Variants in SVEP1 observed in about 807,000 individuals in gnomAD.
SVEP1 encodes the protein sushi, von Willebrand factor type A, EGF and pentraxin domain-containing protein 1.
Under a neutral mutation model 367.3 loss-of-function variants are expected in SVEP1, and 164 were observed. The ratio of observed to expected loss-of-function variants is 0.45; its 90% confidence interval spans 0.39 to 0.51. The LOEUF (loss-of-function observed/expected upper bound fraction) is 0.51, where lower values mean the gene tolerates loss of function less well. SVEP1 is among the 20% of genes least tolerant of loss of function. The pLI, the probability that SVEP1 is intolerant of heterozygous loss-of-function variation, is 0.00. For missense variants in SVEP1, 4,117 were observed against 4,425.3 expected (o/e 0.93, Z 1.98); for synonymous variants, 1,666 against 1,611.6 (o/e 1.03, Z -0.81).
intron 1 of SVEP1, among the ~76,000 whole-genome samples, chr9:110,574,052 A>G (rs1346536800): frequency 6.6e-6 from 1 of 152,244 alleles, no homozygotes; most frequent in Non-Finnish European, 1.5e-5. Context: ...CGAGTTGTCC[A>G]ATTCTGACAC....
At chr9:110,489,583 G>A (rs1829335084) in intron 9 of SVEP1, 67 bp downstream of exon 9, 1 of 1,503,740 alleles carries the variant, frequency 6.7e-7, no homozygotes, top group Admixed American at 2.0e-5. Context: ...CACGACACAT[G>A]GGAATTATGG....
chr9:110,398,849 G>GT (rs1287725886), intron 40 of SVEP1, among the ~76,000 whole-genome samples: 1 of 152,164 alleles, frequency 6.6e-6, no homozygotes, highest in Non-Finnish European at 1.5e-5. Flanking sequence ...GAAACAACAG[G>GT]TGCTAGAGAG....
intron 20 of SVEP1, 22 bp from the exon 21 acceptor site, chr9:110,457,374 C>T: frequency 6.4e-7 from 1 of 1,553,154 alleles, no homozygotes; most frequent in Non-Finnish European, 8.9e-7. Flanking sequence ...ATAAAAAAAT[C>T]AATCAGAGAC....
At position 110,386,069 on chromosome 9, in the gene SVEP1, G is replaced by C; in HGVS notation, c.10066C>G (p.Pro3356Ala). 1 of 1,602,330 alleles carries C rather than the reference G, an allele frequency of 6.2e-7. No individual in the cohort carries two copies. The highest frequency in any genetic ancestry group is 8.5e-7 in the Non-Finnish European group (1 of 1,175,904). Residue 3356 changes from proline to alanine, a missense_variant, in exon 43 of 48, where the codon CCA (proline) becomes GCA (alanine). Physicochemically the swap from Pro to Ala is conservative, Grantham distance 27 (BLOSUM62 -1). Transcript: ENST00000374469. ...GGAATCACAAAAGGAACAGGGCATG[G>C]ATTTGCTGTCAAAAAGAAAAGAAAA... ...SHPVPLCKPN[P>A]CPVPFVIPEN...
At chr9:110,501,509 G>A (rs576812590) in intron 6 of SVEP1, among the ~76,000 whole-genome samples, 2 of 150,894 alleles carry the variant, frequency 1.3e-5, no homozygotes, top group Admixed American at 6.6e-5. Context: ...TTTTGTTGTG[G>A]GGGGGGCAGG....
Position 110,429,347 on chromosome 9 carries a change from G to A in SVEP1, c.5616-13C>T, listed in dbSNP as rs1828313573. 1 of 1,495,256 alleles carries A rather than the reference G, an allele frequency of 6.7e-7. No homozygotes were observed. Among genetic ancestry groups the A allele is most frequent in the Non-Finnish European group, 8.9e-7 (1 of 1,124,018 alleles). 92.6% of individuals were successfully genotyped at this position (1,495,256 alleles called of 1,614,324 possible). A position where few individuals can be genotyped will look rare whatever the true frequency, so the allele number is the denominator to read the frequency against. The stretch of plus-strand genomic sequence containing the variant: ...TCCTTTATTACACCTAAAGAAGATA[G>A]AGGAAAATTACAGGATATAATTTGC... On this transcript the variant is annotated splice_polypyrimidine_tract_variant and intron_variant, in intron 34 of 47. Transcript: ENST00000374469.
At chr9:110,557,091 GTTCT>G (rs1450642073) in intron 1 of SVEP1, among the ~76,000 whole-genome samples, 1 of 152,228 alleles carries the variant, frequency 6.6e-6, no homozygotes, top group African/African-American at 2.4e-5. Context: ...AATCTCAGGT[GTTCT>G]TCAGTTCAAA....
rs1440759144 is a variant in SVEP1, at chr9:110,412,900, G to A, written c.5976-1165C>T. Among the ~76,000 whole-genome samples the A allele has an allele frequency of 4.5e-3, 687 of 151,848 alleles. 3 individuals carry two copies. The highest frequency in any genetic ancestry group is 7.8e-3 in the Non-Finnish European group (528 of 67,808). Reference sequence around the variant, plus strand: ...AAAAAGTCAGGAAACAACAGGTGCTGGAGAGGATGTGGAGAAATAGGAACA... The same window carrying A: ...AAAAAGTCAGGAAACAACAGGTGCTAGAGAGGATGTGGAGAAATAGGAACA... On this transcript the variant is annotated intron_variant, in intron 36 of 47. Transcript: ENST00000374469.
chr9:110,395,459 G>C (rs369268376), intron 40 of SVEP1, among the ~76,000 whole-genome samples: 1 of 151,682 alleles, frequency 6.6e-6, no homozygotes, highest in Non-Finnish European at 1.5e-5. Context: ...AAGCAAAATA[G>C]CCAGCTGACA....
chr9:110,467,810 A>T (rs1828960947), intron 17 of SVEP1, among the ~76,000 whole-genome samples: 1 of 151,562 alleles, frequency 6.6e-6, no homozygotes, highest in Admixed American at 6.6e-5. Context: ...TAATTTTTGT[A>T]TTTTTTGTAG....
chr9:110,399,225 C>T (rs1390812155), intron 40 of SVEP1, among the ~76,000 whole-genome samples: 2 of 151,900 alleles, frequency 1.3e-5, no homozygotes, highest in African/African-American at 2.4e-5. Context: ...AACCATTATT[C>T]TCAGCAAACT....
In SVEP1 at chr9:110,385,976, C is replaced by T; in HGVS notation, c.10159G>A (p.Gly3387Ser). The change falls in exon 43 of 48, where the codon GGT becomes AGT. Residue 3387 changes from glycine (G) to serine (S), a missense_variant. By Grantham distance (56) the Gly-to-Ser change is moderately conservative. Around this residue, in one of 4 missense-constraint regions of SVEP1, gnomAD observed 1,765 missense variants for 1,781.1 expected, o/e 0.99. Transcript: ENST00000374469. ...ATGCCGTGGCCCTGCAGCAGAAAAC[C>T]TTCCCTACATTTGATGGACACATTC... Reference protein sequence around the residue: ...DQNVSIKCREGFLLQGHGIIT... With the variant: ...DQNVSIKCRESFLLQGHGIIT... 6.2e-7 allele frequency: 1 copy of T among 1,613,900 alleles called. No homozygotes were observed. The highest frequency in any genetic ancestry group is 8.5e-7 in the Non-Finnish European group (1 of 1,179,844).
chr9:110,435,875 A>G (rs1250898507), intron 28 of SVEP1, among the ~76,000 whole-genome samples: 9 of 152,184 alleles, frequency 5.9e-5, no homozygotes, highest in African/African-American at 9.7e-5. Context: ...TATAGATAAG[A>G]AAACTGAAAC....
At chr9:110,414,918 A>G (rs1026987331) in intron 36 of SVEP1, among the ~76,000 whole-genome samples, 14 of 152,070 alleles carry the variant, frequency 9.2e-5, no homozygotes, top group African/African-American at 1.5e-4. Context: ...TATATCTGAG[A>G]AGAATCAAAA....
At chr9:110,447,701 G>A (rs546915865) in intron 24 of SVEP1, among the ~76,000 whole-genome samples, 14 of 152,338 alleles carry the variant, frequency 9.2e-5, no homozygotes, top group African/African-American at 3.4e-4. Flanking sequence ...ATGAGAAGTT[G>A]AGAGTTTGTG....
In SVEP1 at chr9:110,411,751, G is replaced by A. The variant is rs557440379; in HGVS notation, c.5976-16C>T. The A allele has an allele frequency of 1.5e-5, 22 of 1,488,022 alleles. No homozygotes were observed. Among genetic ancestry groups the A allele is most frequent in the African/African-American group, 1.4e-5 (1 of 71,002 alleles). 92.2% of individuals were successfully genotyped at this position (1,488,022 alleles called of 1,614,324 possible). On this transcript the variant is annotated splice_polypyrimidine_tract_variant and intron_variant, in intron 36 of 47. Coordinates refer to ENST00000374469, the MANE Select transcript of SVEP1 (RefSeq NM_153366.4). ...AAGAGTATAGCTGTGAGGTTGGGAA[G>A]AAAGAAAGAATAACTAAGCATAATA...
At chr9:110,369,245 T>C (rs1827241974) in intron 47 of SVEP1, among the ~76,000 whole-genome samples, 1 of 152,164 alleles carries the variant, frequency 6.6e-6, no homozygotes, top group Admixed American at 6.5e-5. Context: ...TTATAAATGA[T>C]CTTTTAAGTA....
intron 36 of SVEP1, among the ~76,000 whole-genome samples, chr9:110,416,195 G>A (rs1320428346): frequency 6.6e-6 from 1 of 151,812 alleles, no homozygotes; most frequent in Non-Finnish European, 1.5e-5. Flanking sequence ...AACTGCAAGG[G>A]TAGAGCACCA....
chr9:110,433,736 G>C (rs1828389896), intron 30 of SVEP1, among the ~76,000 whole-genome samples: 1 of 152,140 alleles, frequency 6.6e-6, no homozygotes, highest in South Asian at 2.1e-4. Flanking sequence ...CTCCCAAAGT[G>C]CTGGGATTAC....
Sources: allele counts gnomAD v4.1 joint callset (sites outside exome capture counted in the v4.1 genomes callset), GRCh38; gene constraint gnomAD v4.1.1; regional missense constraint gnomAD v4.1.1; transcripts MANE v1.5; gene names NCBI Gene and HGNC (gene_info 2026-07-23, HGNC 2026-07-21).